The following PUM1 variants were observed in gnomAD, a reference collection of about 807,000 sequenced individuals.
PUM1 encodes the protein pumilio homolog 1.
Under a neutral mutation model 131.8 loss-of-function variants are expected in PUM1, and 13 were observed. The ratio of observed to expected loss-of-function variants is 0.10; its 90% confidence interval spans 0.06 to 0.16. The LOEUF (loss-of-function observed/expected upper bound fraction) is 0.16, where lower values mean the gene tolerates loss of function less well. Among genes scored for constraint, PUM1 ranks in the 10% least tolerant of loss-of-function variants. The pLI, the probability that PUM1 is intolerant of heterozygous loss-of-function variation, is 1.00. For synonymous variants in PUM1, 509 were observed against 556.5 expected, an observed-to-expected ratio of 0.91 and a Z score of 1.20; for missense variants, 961 against 1,512.4, an observed-to-expected ratio of 0.64 and a Z score of 6.05.
intron 5 of PUM1, 59 bp from the exon 6 acceptor site, chr1:30,995,279 C>G: frequency 6.3e-7 from 1 of 1,578,602 alleles, no homozygotes; most frequent in Non-Finnish European, 8.7e-7. Flanking sequence ...AACGGGCAAC[C>G]GTTGTGGGCA....
intron 1 of PUM1, chr1:31,061,750 G>C (rs1644373530): frequency 6.6e-6 from 1 of 152,310 alleles, no homozygotes. Context: ...CTTGAGCCCA[G>C]GAGTTCAAGA....
intron 3 of PUM1, among the ~76,000 whole-genome samples, chr1:31,023,710 C>A (rs1214179345): frequency 6.6e-6 from 1 of 151,838 alleles, no homozygotes; most frequent in Non-Finnish European, 1.5e-5. Flanking sequence ...GTGGATGGAT[C>A]ACGAAGTCAA....
Position 30,968,422 on chromosome 1 carries a change from G to A in PUM1, c.1577C>T (p.Pro526Leu). 6.2e-7 allele frequency: 1 copy of A among 1,601,548 alleles called. No homozygotes were observed. The highest frequency in any genetic ancestry group is 8.5e-7 in the Non-Finnish European group (1 of 1,175,594). ...NQNQQGQQTD[P>L]LVAAAAVNSA... ...ATTCACTGCTGCAGCTGCCACAAGG[G>A]GATCCGTTTGCTGTCCCTGCTGGTT... Residue 526 changes from proline to leucine, a missense_variant, in exon 11 of 22, where the codon CCC (proline) becomes CTC (leucine). Physicochemically the swap from Pro to Leu is moderately conservative, Grantham distance 98. Around this residue, in one of 4 missense-constraint regions of PUM1, gnomAD observed 654 missense variants for 923.9 expected, o/e 0.71. Coordinates refer to ENST00000426105, the MANE Select transcript of PUM1 (RefSeq NM_001020658.2).
At chr1:31,036,082 T>G (rs199514768) in intron 2 of PUM1, among the ~76,000 whole-genome samples, 1 of 141,070 alleles carries the variant, frequency 7.1e-6, no homozygotes, top group Admixed American at 7.1e-5. Flanking sequence ...CTCAAGTTTG[T>G]TTTTTTTTTT....
At chr1:30,990,159 C>T (rs930070010) in intron 7 of PUM1, among the ~76,000 whole-genome samples, 3 of 152,176 alleles carry the variant, frequency 2.0e-5, no homozygotes, top group South Asian at 2.1e-4. Flanking sequence ...AAGCATATTA[C>T]GTACAGAGGA....
At chr1:30,976,770 G>A (rs1396681933) in intron 9 of PUM1, among the ~76,000 whole-genome samples, 1 of 151,768 alleles carries the variant, frequency 6.6e-6, no homozygotes, top group African/African-American at 2.4e-5. Context: ...AAGAAGAAAA[G>A]GGGTTAAAAC....
intron 9 of PUM1, 113 bp from the exon 10 acceptor site, chr1:30,974,915 T>TTA: frequency 5.3e-6 from 4 of 758,684 alleles, no homozygotes; most frequent in Non-Finnish European, 8.2e-6. Flanking sequence ...AACTTAAAAG[T>TTA]ATATATTAAT....
At chr1:31,057,396 A>C (rs1271498714) in intron 2 of PUM1, among the ~76,000 whole-genome samples, 1 of 129,520 alleles carries the variant, frequency 7.7e-6, no homozygotes, top group African/African-American at 3.0e-5. Flanking sequence ...ACAGAGCCAG[A>C]CCTTGTCTCA....
At chr1:31,002,206 T>G (rs1362889500) in intron 5 of PUM1, among the ~76,000 whole-genome samples, 1 of 152,204 alleles carries the variant, frequency 6.6e-6, no homozygotes, top group Non-Finnish European at 1.5e-5. Context: ...CTATGAAAGT[T>G]AAGTAGCACT....
chr1:31,036,264 G>A (rs1643608986), intron 2 of PUM1, among the ~76,000 whole-genome samples: 1 of 152,086 alleles, frequency 6.6e-6, no homozygotes, highest in African/African-American at 2.4e-5. Flanking sequence ...TAGAGATGGG[G>A]TTTCACCATG....
intron 14 of PUM1, among the ~76,000 whole-genome samples, chr1:30,957,094 A>G (rs1366364534): frequency 7.4e-6 from 1 of 135,392 alleles, no homozygotes; most frequent in Non-Finnish European, 1.6e-5. Context: ...TCATACACAC[A>G]CACACACACA....
intron 2 of PUM1, 62 bp from the exon 3 acceptor site, chr1:31,028,926 T>C: frequency 2.4e-6 from 3 of 1,258,198 alleles, no homozygotes; most frequent in African/African-American, 1.5e-5. Flanking sequence ...TACATACACA[T>C]TACACACAAT....
chr1:31,055,807 C>T (rs564032575), intron 2 of PUM1, among the ~76,000 whole-genome samples: 1 of 152,244 alleles, frequency 6.6e-6, no homozygotes, highest in South Asian at 2.1e-4. Flanking sequence ...GATCTTAGAG[C>T]TCTGCCAAGG....
intron 14 of PUM1, among the ~76,000 whole-genome samples, chr1:30,955,845 A>G (rs1379665726): frequency 6.6e-6 from 1 of 152,156 alleles, no homozygotes; most frequent in Non-Finnish European, 1.5e-5. Context: ...AAAGAAAATG[A>G]CTCAATGCAG....
chr1:30,971,780 TAACTC>T (rs1283143820), intron 10 of PUM1, among the ~76,000 whole-genome samples: 1 of 152,224 alleles, frequency 6.6e-6, no homozygotes, highest in Non-Finnish European at 1.5e-5. Context: ...GTACAGCACT[TAACTC>T]TGCACAGAAA....
At chr1:31,054,504 C>CA (rs1421021518) in intron 2 of PUM1, among the ~76,000 whole-genome samples, 1 of 133,062 alleles carries the variant, frequency 7.5e-6, no homozygotes, top group Non-Finnish European at 1.6e-5. Context: ...AATTCGATCT[C>CA]AAACTTTGTT....
intron 3 of PUM1, among the ~76,000 whole-genome samples, chr1:31,021,504 GCACATTATTAGCTGAAGCCC>G (rs1228337227): frequency 1.3e-5 from 2 of 152,126 alleles, no homozygotes; most frequent in African/African-American, 4.8e-5. Context: ...TGTTTACAAA[GCACATTATTAGCTGAAGCCC>G]CACCCTCAAC....
At chr1:30,935,609 C>G (rs1408734648) in intron 21 of PUM1, 2 of 457,712 alleles carry the variant, frequency 4.4e-6, no homozygotes, top group Admixed American at 2.3e-5. Flanking sequence ...GGGACTCCCC[C>G]AGCCTTCAAC....
chr1:31,058,625 G>C (rs950640842), intron 2 of PUM1, among the ~76,000 whole-genome samples: 2 of 143,218 alleles, frequency 1.4e-5, no homozygotes, highest in South Asian at 4.4e-4. Flanking sequence ...TCGCGCCAGT[G>C]CACTCCAGCC....
Sources: allele counts gnomAD v4.1 joint callset (sites outside exome capture counted in the v4.1 genomes callset), GRCh38; gene constraint gnomAD v4.1.1; regional missense constraint gnomAD v4.1.1; transcripts MANE v1.5; gene names NCBI Gene and HGNC (gene_info 2026-07-23, HGNC 2026-07-21).